GALNT14: variants seen among roughly 807,000 people sequenced by gnomAD.
GALNT14 encodes the protein UDP-GalNAc:polypeptide N-acetylgalactosaminyltransferase 14.
GALNT14 carries 60 observed loss-of-function variants against 77.5 expected under a neutral mutation model. The observed-to-expected ratio is 0.77, with a 90% CI of 0.63 to 0.96. GALNT14 has a LOEUF of 0.96. Ranked by LOEUF, GALNT14 falls within the 40% of genes least tolerant of loss-of-function variation. The pLI, the probability that GALNT14 is intolerant of heterozygous loss-of-function variation, is 0.00. For synonymous variants in GALNT14, 280 were observed against 281.7 expected, an observed-to-expected ratio of 0.99 and a Z score of 0.06; for missense variants, 710 against 731.0, an observed-to-expected ratio of 0.97 and a Z score of 0.33.
chr2:30,918,201 G>T (rs984653779), intron 13 of GALNT14, among the ~76,000 whole-genome samples: 4 of 152,210 alleles, frequency 2.6e-5, no homozygotes, highest in African/African-American at 9.7e-5. Context: ...CATGTGGCAA[G>T]ATTACACTTA....
chr2:30,982,149 G>A (rs1669029019), intron 2 of GALNT14, among the ~76,000 whole-genome samples: 2 of 152,174 alleles, frequency 1.3e-5, no homozygotes, highest in Admixed American at 6.5e-5. Flanking sequence ...GCAGCAGGGA[G>A]AGGCAAATTT....
At chr2:30,962,419 A>T (rs1243000443) in intron 3 of GALNT14, among the ~76,000 whole-genome samples, 1 of 152,240 alleles carries the variant, frequency 6.6e-6, no homozygotes, top group African/African-American at 2.4e-5. Context: ...AACAGTGAGA[A>T]GACTCAACAC....
At position 31,034,586 on chromosome 2, in the gene GALNT14, T is replaced by C. The variant is rs536209489; in HGVS notation, c.130-41579A>G. Among the ~76,000 whole-genome samples, 4 of 152,310 alleles carry C rather than the reference T, an allele frequency of 2.6e-5. No individual in the cohort carries two copies. The East Asian group carries it at 7.7e-4, about 29-fold the overall frequency. ...TTTTTTTGATTATCTGTTTGATTTC[T>C]GTCTGCTCTAATCTTTATTAATTTT... On this transcript the variant is annotated intron_variant, in intron 1 of 14. Coordinates refer to ENST00000349752, the MANE Select transcript of GALNT14 (RefSeq NM_024572.4).
the GALNT14 span, among the ~76,000 whole-genome samples, chr2:30,898,855 G>T: frequency 6.6e-6 from 1 of 152,112 alleles, no homozygotes; most frequent in African/African-American, 2.4e-5. Flanking sequence ...AAAGAAGAGG[G>T]AGCTCATCCT....
chr2:31,115,078 C>T (rs1159229496), intron 1 of GALNT14, among the ~76,000 whole-genome samples: 1 of 152,126 alleles, frequency 6.6e-6, no homozygotes. Context: ...AAGACCCCAT[C>T]TCTACTAAAT....
chr2:30,953,357 G>A (rs867333086), intron 6 of GALNT14, among the ~76,000 whole-genome samples: 4 of 143,114 alleles, frequency 2.8e-5, no homozygotes, highest in Middle Eastern at 3.9e-3. Flanking sequence ...CGCCCAGGCT[G>A]GAGTGCAGTG....
rs1010909301 is a variant in GALNT14 at position 31,130,784 on chromosome 2, G to A, written c.129+7174C>T. 7.8e-4 allele frequency among the ~76,000 whole-genome samples: 97 copies of A among 125,040 alleles called. 2 individuals carry two copies. Among genetic ancestry groups the A allele is most frequent in the African/African-American group, 3.9e-3 (96 of 24,600 alleles). The allele number at this position is 125,040 out of a possible 152,430, so 82.0% of individuals were successfully genotyped here. A position where few individuals can be genotyped will look rare whatever the true frequency, so the allele number is the denominator to read the frequency against. The stretch of plus-strand genomic sequence containing the variant: ...TGTGTGTGTGTGTGTGTGTGTGTGT[G>A]CGCGCGCACCTGTGTGTGTGCCTGT... On this transcript the variant is annotated intron_variant, in intron 1 of 14. Transcript: ENST00000349752.
At chr2:30,986,857 G>C (rs1669331751) in intron 2 of GALNT14, 1 of 152,204 alleles carries the variant, frequency 6.6e-6, no homozygotes, top group Admixed American at 6.5e-5. Flanking sequence ...TCTCTCCTCT[G>C]TGTGAGCAGA....
At chr2:30,928,317 C>T (rs1037599860) in intron 11 of GALNT14, among the ~76,000 whole-genome samples, 2 of 152,140 alleles carry the variant, frequency 1.3e-5, no homozygotes, top group Non-Finnish European at 2.9e-5. Context: ...TGACAAAAAG[C>T]CATTGGTTGC....
At chr2:31,095,469 C>A (rs1676954865) in intron 1 of GALNT14, among the ~76,000 whole-genome samples, 1 of 152,106 alleles carries the variant, frequency 6.6e-6, no homozygotes, top group Admixed American at 6.6e-5. Context: ...TTAATAAGAG[C>A]AATCCCTGTC....
intron 1 of GALNT14, among the ~76,000 whole-genome samples, chr2:31,056,074 T>C (rs562471656): frequency 2.6e-5 from 4 of 152,316 alleles, no homozygotes; most frequent in Non-Finnish European, 5.9e-5. Flanking sequence ...TTCTCAAACA[T>C]CCGTGTGCCC....
intron 9 of GALNT14, among the ~76,000 whole-genome samples, chr2:30,939,101 G>C (rs549531699): frequency 6.6e-6 from 1 of 152,334 alleles, no homozygotes; most frequent in Non-Finnish European, 1.5e-5. Context: ...ACCACTGCTG[G>C]CTCAAGAATG....
rs1384068782 is a variant in GALNT14 at position 30,989,581 on chromosome 2, T to TATATATATATATATATAA, written c.299+3256_299+3257insTTATATATATATATATAT. ...TACCTTATATATATATATATATATA[T>TATATATATATATATATAA]AAAAATATATATATTAGTAGATATA... On this transcript the variant is annotated intron_variant, in intron 2 of 14. Transcript: ENST00000349752. Among the ~76,000 whole-genome samples, 12 of 108,160 alleles carry TATATATATATATATATAA rather than the reference T, an allele frequency of 1.1e-4. 1 individual carries two copies. The highest frequency in any genetic ancestry group is 5.7e-4 in the African/African-American group (12 of 20,870). The allele number at this position is 108,160 out of a possible 152,430, so 71.0% of individuals were successfully genotyped here. A position where few individuals can be genotyped will look rare whatever the true frequency, so the allele number is the denominator to read the frequency against.
intron 9 of GALNT14, among the ~76,000 whole-genome samples, chr2:30,933,270 C>G (rs1363046566): frequency 2.0e-5 from 3 of 152,188 alleles, no homozygotes; most frequent in Non-Finnish European, 2.9e-5. Context: ...GGGCCTGTCA[C>G]TGGTAGAAAA....
intron 1 of GALNT14, among the ~76,000 whole-genome samples, chr2:31,030,701 C>G (rs975690431): frequency 6.6e-6 from 1 of 152,168 alleles, no homozygotes; most frequent in African/African-American, 2.4e-5. Flanking sequence ...CCTTCCAAAT[C>G]TCAGGCACAG....
chr2:31,027,424 A>C (rs1672133839), intron 1 of GALNT14, among the ~76,000 whole-genome samples: 1 of 148,516 alleles, frequency 6.7e-6, no homozygotes, highest in Admixed American at 6.6e-5. Flanking sequence ...ACTCAAAACA[A>C]AGCAAAAAAA....
intron 1 of GALNT14, among the ~76,000 whole-genome samples, chr2:31,132,138 G>C (rs1239475633): frequency 6.6e-6 from 1 of 152,156 alleles, no homozygotes; most frequent in African/African-American, 2.4e-5. Flanking sequence ...GGCTAGGAGA[G>C]TGAAAGGAAG....
At chr2:30,944,148 G>T (rs1666545021) in intron 8 of GALNT14, among the ~76,000 whole-genome samples, 2 of 152,056 alleles carry the variant, frequency 1.3e-5, no homozygotes, top group African/African-American at 4.8e-5. Flanking sequence ...GCCCGGGACT[G>T]GTTTACTGTC....
chr2:31,083,627 A>G (rs891915536), intron 1 of GALNT14, among the ~76,000 whole-genome samples: 5 of 152,158 alleles, frequency 3.3e-5, no homozygotes, highest in Non-Finnish European at 7.3e-5. Flanking sequence ...CAAGCACTCA[A>G]TCTATATGCA....
Sources: allele counts gnomAD v4.1 joint callset (sites outside exome capture counted in the v4.1 genomes callset), GRCh38; gene constraint gnomAD v4.1.1; transcripts MANE v1.5; gene names NCBI Gene and HGNC (gene_info 2026-07-23, HGNC 2026-07-21).